Variants in CACNA2D3 observed in about 807,000 individuals in gnomAD.
CACNA2D3 encodes the protein voltage-dependent calcium channel subunit alpha-2/delta-3.
A neutral mutation model predicts 160.6 loss-of-function variants in CACNA2D3; 60 were observed. The observed-to-expected ratio is 0.37, with a 90% confidence interval of 0.30 to 0.46. The LOEUF (loss-of-function observed/expected upper bound fraction) is 0.46. CACNA2D3 is among the 20% of genes least tolerant of loss of function. The pLI, the probability that CACNA2D3 is intolerant of heterozygous loss-of-function variation, is 1.00. For missense variants in CACNA2D3, 1,205 were observed against 1,365.0 expected (o/e 0.88, Z 1.85); for synonymous variants, 558 against 492.9 (o/e 1.13, Z -1.75).
At chr3:54,217,656 A>G (rs1701485357) in intron 2 of CACNA2D3, among the ~76,000 whole-genome samples, 1 of 152,146 alleles carries the variant, frequency 6.6e-6, no homozygotes. Context: ...ACAGCAAGGA[A>G]TGCCAGCAGC....
intron 35 of CACNA2D3, among the ~76,000 whole-genome samples, chr3:55,057,861 T>G (rs1173677200): frequency 2.0e-5 from 3 of 152,222 alleles, no homozygotes; most frequent in Admixed American, 2.0e-4. Context: ...GAGATTTTTT[T>G]CCTATTTAGA....
intron 13 of CACNA2D3, among the ~76,000 whole-genome samples, chr3:54,784,126 C>A (rs1702586648): frequency 6.6e-6 from 1 of 152,128 alleles, no homozygotes. Flanking sequence ...GAAGGGTAGT[C>A]AGGCAAGTCA....
chr3:54,820,960 C>A (rs1403427974), intron 14 of CACNA2D3, among the ~76,000 whole-genome samples: 1 of 152,086 alleles, frequency 6.6e-6, no homozygotes, highest in South Asian at 2.1e-4. Flanking sequence ...TTAATTTAAT[C>A]AATGTAGGTT....
In CACNA2D3 at chr3:54,744,992, C is replaced by T. The variant is rs60164345; in HGVS notation, c.1168-7607C>T. Among the ~76,000 whole-genome samples, 471 of 152,244 alleles carry T rather than the reference C, an allele frequency of 3.1e-3. 4 individuals are homozygous for T. Among genetic ancestry groups the T allele is most frequent in the African/African-American group, 1.6e-3 (65 of 41,534 alleles). ...CCACCTGGAACAAATAATACTTGGT[C>T]GTTTTAAGAATACCTGGAATTTGTT... On this transcript the variant is annotated intron_variant, in intron 11 of 37. Transcript: ENST00000474759.
chr3:54,573,107 T>C (rs6772111), intron 8 of CACNA2D3, among the ~76,000 whole-genome samples: 52,873 of 152,038 alleles, frequency 0.35, 10,066 homozygotes, highest in Middle Eastern at 0.43. Context: ...AAGATCCCAT[T>C]AACCCTCACT....
intron 11 of CACNA2D3, among the ~76,000 whole-genome samples, chr3:54,732,659 G>A (rs529078739): frequency 1.3e-5 from 2 of 152,240 alleles, no homozygotes; most frequent in African/African-American, 4.8e-5. Context: ...TGATTTCCCA[G>A]TACTTTCTCA....
intron 35 of CACNA2D3, among the ~76,000 whole-genome samples, chr3:55,021,625 GTA>G (rs61298986): frequency 0.073 from 9,502 of 131,014 alleles, 851 homozygotes; most frequent in African/African-American, 0.21. Context: ...ATGTGTGTGT[GTA>G]TATATATATA....
chr3:54,812,445 T>C (rs1295302321), intron 13 of CACNA2D3, among the ~76,000 whole-genome samples: 1 of 151,986 alleles, frequency 6.6e-6, no homozygotes, highest in Admixed American at 6.6e-5. Context: ...TGGAGAGGGG[T>C]CTTAGGAAGA....
intron 27 of CACNA2D3, among the ~76,000 whole-genome samples, chr3:54,912,860 T>C (rs893760841): frequency 2.6e-5 from 4 of 152,152 alleles, no homozygotes; most frequent in African/African-American, 9.7e-5. Flanking sequence ...GTAGACGGTC[T>C]TCATCTTTAA....
intron 3 of CACNA2D3, among the ~76,000 whole-genome samples, chr3:54,341,865 T>C (rs1698355036): frequency 6.6e-6 from 1 of 152,196 alleles, no homozygotes; most frequent in Non-Finnish European, 1.5e-5. Flanking sequence ...GCATAGTGCC[T>C]GGGTCAATAA....
chr3:54,532,164 GT>G (rs1351441408), intron 5 of CACNA2D3, among the ~76,000 whole-genome samples: 3 of 152,288 alleles, frequency 2.0e-5, no homozygotes, highest in African/African-American at 7.2e-5. Flanking sequence ...CTGTGTCTTT[GT>G]AGAAAAAGGA....
At chr3:54,558,403 G>A (rs989307825) in intron 5 of CACNA2D3, among the ~76,000 whole-genome samples, 4 of 151,836 alleles carry the variant, frequency 2.6e-5, no homozygotes, top group African/African-American at 9.7e-5. Context: ...AGGTCTCTAG[G>A]GTGGGTATTT....
chr3:54,348,566 C>G (rs1575408922), intron 3 of CACNA2D3, among the ~76,000 whole-genome samples: 1 of 152,222 alleles, frequency 6.6e-6, no homozygotes, highest in African/African-American at 2.4e-5. Flanking sequence ...TATCAGGACT[C>G]TCTTGTTCGC....
At chr3:54,574,780 A>G (rs542565172) in intron 8 of CACNA2D3, among the ~76,000 whole-genome samples, 1 of 152,394 alleles carries the variant, frequency 6.6e-6, no homozygotes, top group Admixed American at 6.5e-5. Flanking sequence ...TAAGCCATGC[A>G]TTAAATGAAC....
At chr3:54,888,560 A>G (rs540393038) in intron 24 of CACNA2D3, among the ~76,000 whole-genome samples, 1 of 152,288 alleles carries the variant, frequency 6.6e-6, no homozygotes, top group African/African-American at 2.4e-5. Context: ...GCAGCTTATT[A>G]TTATTTCTTT....
chr3:54,376,812 C>A (rs1699020789), intron 3 of CACNA2D3, among the ~76,000 whole-genome samples: 2 of 152,104 alleles, frequency 1.3e-5, no homozygotes, highest in Admixed American at 1.3e-4. Flanking sequence ...GGTTGTTGGA[C>A]CTCGGGGCTG....
chr3:54,167,375 C>G (rs1035978463), intron 2 of CACNA2D3, among the ~76,000 whole-genome samples: 1 of 152,186 alleles, frequency 6.6e-6, no homozygotes, highest in Non-Finnish European at 1.5e-5. Context: ...CCTCCCCAGC[C>G]TTCTGCTTTT....
chr3:54,311,321 C>G (rs1703736372), intron 2 of CACNA2D3, among the ~76,000 whole-genome samples: 1 of 152,166 alleles, frequency 6.6e-6, no homozygotes, highest in African/African-American at 2.4e-5. Flanking sequence ...TCCTTGCTGC[C>G]CCTTTCTATC....
At chr3:54,387,802 C>G (rs1350200464) in intron 4 of CACNA2D3, among the ~76,000 whole-genome samples, 1 of 152,198 alleles carries the variant, frequency 6.6e-6, no homozygotes, top group Non-Finnish European at 1.5e-5. Flanking sequence ...AAAGTTTGAG[C>G]TTTGCTAGAC....
Sources: gnomAD v4.1 joint callset for allele counts (sites outside exome capture counted in the v4.1 genomes callset) on GRCh38, gnomAD v4.1.1 for gene constraint, MANE v1.5 for transcripts, NCBI Gene and HGNC (gene_info 2026-07-23, HGNC 2026-07-21) for gene names.